Variants in GEMIN5 observed in about 807,000 individuals in gnomAD.
GEMIN5 encodes the protein gem nuclear organelle associated protein 5, also known as gem-associated protein 5.
Under a neutral mutation model 176.9 loss-of-function variants are expected in GEMIN5, and 124 were observed. The observed-to-expected ratio is 0.70, with a 90% CI of 0.61 to 0.81. The LOEUF is 0.81. Ranked by LOEUF, GEMIN5 falls within the 40% of genes least tolerant of loss-of-function variation. The pLI is 0.00. For missense variants in GEMIN5, 1,843 were observed against 1,814.6 expected, an observed-to-expected ratio of 1.02 and a Z score of -0.28; for synonymous variants, 673 against 665.2, an observed-to-expected ratio of 1.01 and a Z score of -0.18.
At position 154,908,172 on chromosome 5, in the gene GEMIN5, C is replaced by CTTTTTTTT. The variant is rs386405383; in HGVS notation, c.2168-362_2168-355dup. Reference sequence around the variant, plus strand: ...GTTCTGCCAATTTTACCCAGATGTCCTTTTTTTTTTTTTTTTTTTTTTTTT... The same window carrying CTTTTTTTT: ...GTTCTGCCAATTTTACCCAGATGTCCTTTTTTTTTTTTTTTTTTTTTTTTTTTTTTTTT... On this transcript the variant is annotated intron_variant, in intron 15 of 27. Transcript: ENST00000285873. Among the ~76,000 whole-genome samples, 4 of 73,080 alleles carry CTTTTTTTT rather than the reference C, an allele frequency of 5.5e-5. 1 individual carries two copies. In the South Asian group the frequency reaches 1.9e-3, roughly 34 times the overall value. The allele number at this position is 73,080 out of a possible 152,430, so 47.9% of individuals were successfully genotyped here. A position where few individuals can be genotyped will look rare whatever the true frequency, so the allele number is the denominator to read the frequency against.
intron 17 of GEMIN5, 94 bp from the exon 18 acceptor site, chr5:154,904,723 C>T (rs150356965): frequency 1.4e-4 from 127 of 881,206 alleles, no homozygotes; most frequent in Non-Finnish European, 1.7e-4. Context: ...ACTGGCAGGA[C>T]GACACCACAG....
intron 9 of GEMIN5, 121 bp downstream of exon 9, chr5:154,924,348 G>A (rs1005205107): frequency 3.4e-5 from 23 of 672,090 alleles, no homozygotes; most frequent in African/African-American, 9.0e-5. Context: ...CAACTGATTT[G>A]TGGTCTTCAA....
intron 3 of GEMIN5, among the ~76,000 whole-genome samples, chr5:154,934,343 T>C (rs1764223304): frequency 6.6e-6 from 1 of 152,084 alleles, no homozygotes; most frequent in Non-Finnish European, 1.5e-5. Flanking sequence ...TGCGCCACCA[T>C]GCCTGGCTAA....
At position 154,891,796 on chromosome 5, in the gene GEMIN5, T is replaced by C. The variant is rs915219667; in HGVS notation, c.3761-54A>G. The C allele has an allele frequency of 1.2e-5, 18 of 1,490,512 alleles. No individual in the cohort carries two copies. In the South Asian group the frequency reaches 1.9e-4, roughly 16 times the overall value. The allele number at this position is 1,490,512 out of a possible 1,614,324, so 92.3% of individuals were successfully genotyped here. ...CATGCATTTCTCTAGTTGCCAGAAA[T>C]GTGGCTTCCTGCCCTTATGTTCTAT... is the stretch of plus-strand genomic sequence containing the variant. On this transcript the variant is annotated intron_variant, in intron 25 of 27. Coordinates refer to ENST00000285873, the MANE Select transcript of GEMIN5 (RefSeq NM_015465.5).
In GEMIN5 at chr5:154,889,410, C is replaced by G. The variant is rs1300205367; in HGVS notation, c.4270G>C (p.Glu1424Gln). 6.3e-7 allele frequency: 1 copy of G among 1,597,286 alleles called. No individual in the cohort carries two copies. Among genetic ancestry groups the G allele is most frequent in the Non-Finnish European group, 8.6e-7 (1 of 1,165,594 alleles). Reference sequence around the variant, plus strand: ...GGCAGAGAAAGTGGCTCATTTTTTTCTTCTTTACTAGTGAAAAAAATAAAA... The same window carrying G: ...GGCAGAGAAAGTGGCTCATTTTTTTGTTCTTTACTAGTGAAAAAAATAAAA... ...LCSSQSQCKE[E>Q]KNEPLSLPEL... The change falls in exon 27 of 28, where the codon GAA becomes CAA. Residue 1424 changes from glutamate to glutamine, a missense_variant. Transcript: ENST00000285873.
At chr5:154,903,467 A>G (rs944564524) in intron 18 of GEMIN5, among the ~76,000 whole-genome samples, 6 of 152,226 alleles carry the variant, frequency 3.9e-5, no homozygotes, top group African/African-American at 1.4e-4. Context: ...AAGGGGATTC[A>G]ATATTCATCC....
intron 17 of GEMIN5, among the ~76,000 whole-genome samples, 172 bp from the exon 18 acceptor site, chr5:154,904,801 T>C (rs895930874): frequency 1.3e-5 from 2 of 152,176 alleles, no homozygotes; most frequent in African/African-American, 2.4e-5. Flanking sequence ...TTGTTCACAA[T>C]ACACACAAAA....
At chr5:154,893,601 G>T (rs889335810) in intron 24 of GEMIN5, among the ~76,000 whole-genome samples, 2 of 152,180 alleles carry the variant, frequency 1.3e-5, no homozygotes, top group African/African-American at 2.4e-5. Context: ...CTCTGCAGGC[G>T]ATCTCCTGGC....
intron 16 of GEMIN5, among the ~76,000 whole-genome samples, chr5:154,905,793 AG>A (rs1239205634): frequency 6.6e-6 from 1 of 150,498 alleles, no homozygotes; most frequent in Non-Finnish European, 1.5e-5. Flanking sequence ...TCTGCCTCCT[AG>A]GTCCAAGCAA....
At chr5:154,931,664 T>G in intron 4 of GEMIN5, 87 bp from the exon 5 acceptor site, 1 of 1,079,998 alleles carries the variant, frequency 9.3e-7, no homozygotes, top group South Asian at 1.5e-5. Flanking sequence ...TTCCAAAACT[T>G]AGCTATCTCT....
intron 24 of GEMIN5, among the ~76,000 whole-genome samples, chr5:154,895,501 G>A (rs1222549960): frequency 6.6e-6 from 1 of 152,206 alleles, no homozygotes; most frequent in Admixed American, 6.5e-5. Flanking sequence ...GGAGGTGCCT[G>A]TGGCGAGCTA....
chr5:154,931,989 A>T, intron 4 of GEMIN5, 110 bp downstream of exon 4: 1 of 926,290 alleles, frequency 1.1e-6, no homozygotes, highest in Non-Finnish European at 1.6e-6. Context: ...TAGGCAACAA[A>T]AGCAAAACTC....
Position 154,937,031 on chromosome 5 carries a change from G to T in GEMIN5, c.321C>A (p.Leu107=), listed in dbSNP as rs754290433. 1 of 1,612,610 alleles carries T rather than the reference G, an allele frequency of 6.2e-7. No individual in the cohort carries two copies. Among genetic ancestry groups the T allele is most frequent in the Non-Finnish European group, 8.5e-7 (1 of 1,179,098 alleles). The change falls in exon 2 of 28, where the codon CTC becomes CTA. Residue 107 remains leucine (L), a synonymous_variant. Coordinates refer to ENST00000285873, the MANE Select transcript of GEMIN5 (RefSeq NM_015465.5). ...ETKTVVTEHA[L]HQHTISTLHW... is the part of the protein sequence containing the mutation. ...AACCAGTAAGCCATGGTACCTGATGGAGTGCATGTTCTGTCACAACTGTTT... is the reference window on the plus strand; with the variant it reads ...AACCAGTAAGCCATGGTACCTGATGTAGTGCATGTTCTGTCACAACTGTTT...
chr5:154,919,918 AG>A, intron 11 of GEMIN5, 48 bp downstream of exon 11: 1 of 1,542,510 alleles, frequency 6.5e-7, no homozygotes, highest in Non-Finnish European at 8.9e-7. Flanking sequence ...GGAAACACAG[AG>A]GGATCTGTGA....
Position 154,920,190 on chromosome 5 carries a change from A to G in GEMIN5, c.1463-87T>C, listed in dbSNP as rs2270622. 1,579 of 980,872 alleles carry G rather than the reference A, an allele frequency of 1.6e-3. 15 individuals carry two copies. Among genetic ancestry groups the G allele is most frequent in the East Asian group, 0.016 (616 of 38,852 alleles). 60.8% of individuals were successfully genotyped at this position (980,872 alleles called of 1,614,324 possible). A position where few individuals can be genotyped will look rare whatever the true frequency, so the allele number is the denominator to read the frequency against. On this transcript the variant is annotated intron_variant, in intron 10 of 27. Coordinates refer to ENST00000285873, the MANE Select transcript of GEMIN5 (RefSeq NM_015465.5). ...CTATAGTATGACCATACCATACTAC[A>G]TAGTTGTTTTAAAAGAACTATATAT...
Position 154,889,413 on chromosome 5 carries a change from CTTT to C in GEMIN5, c.4264_4266del (p.Lys1422del), listed in dbSNP as rs1284998506. The C allele has an allele frequency of 2.5e-6, 4 of 1,588,306 alleles. No individual in the cohort carries two copies. Among genetic ancestry groups the C allele is most frequent in the Admixed American group, 3.3e-5 (2 of 59,836 alleles). On this transcript the variant is annotated inframe_deletion and splice_region_variant, in exon 27 of 28. Coordinates refer to ENST00000285873, the MANE Select transcript of GEMIN5 (RefSeq NM_015465.5). ...AGAGAAAGTGGCTCATTTTTTTCTTCTTTACTAGTGAAAAAAATAAAAGGTGTA... is the reference window on the plus strand; with the variant it reads ...AGAGAAAGTGGCTCATTTTTTTCTTCACTAGTGAAAAAAATAAAAGGTGTA...
rs1200363260 is a variant in GEMIN5, at chr5:154,892,446, C to T, written c.3701G>A (p.Ser1234Asn). Residue 1234 changes from serine to asparagine, a missense_variant, in exon 25 of 28, where the codon AGC (serine) becomes AAC (asparagine). Ser to Asn is a conservative substitution (Grantham distance 46, BLOSUM62 1). Transcript: ENST00000285873. ...VQALLRAVVR[S>N]YDSGSFTIMQ... ...GATGGTGAAGCTCCCTGAGTCATAGCTCCGGACCACCGCCCGAAGGAGCGC... is the reference window on the plus strand; with the variant it reads ...GATGGTGAAGCTCCCTGAGTCATAGTTCCGGACCACCGCCCGAAGGAGCGC... 6.2e-7 allele frequency: 1 copy of T among 1,614,190 alleles called. No homozygotes were observed. Among genetic ancestry groups the T allele is most frequent in the Non-Finnish European group, 8.5e-7 (1 of 1,180,040 alleles).
chr5:154,915,161 A>G (rs953279669), intron 13 of GEMIN5, among the ~76,000 whole-genome samples: 2 of 152,242 alleles, frequency 1.3e-5, no homozygotes, highest in African/African-American at 4.8e-5. Flanking sequence ...ATTTATTACT[A>G]GGAAAACACA....
At chr5:154,894,026 C>G (rs972104440) in intron 24 of GEMIN5, among the ~76,000 whole-genome samples, 1 of 152,182 alleles carries the variant, frequency 6.6e-6, no homozygotes, top group Non-Finnish European at 1.5e-5. Context: ...CTCACTGCAG[C>G]CTCCGTCTCC....
Sources: allele counts gnomAD v4.1 joint callset (sites outside exome capture counted in the v4.1 genomes callset), GRCh38; gene constraint gnomAD v4.1.1; transcripts MANE v1.5; gene names NCBI Gene and HGNC (gene_info 2026-07-23, HGNC 2026-07-21).